USP10: variants seen among roughly 807,000 people sequenced by gnomAD.
USP10 encodes the protein ubiquitin carboxyl-terminal hydrolase 10.
USP10 carries 22 observed loss-of-function variants against 84.5 expected under a neutral mutation model. The observed-to-expected ratio is 0.26, with a 90% CI of 0.19 to 0.37. The LOEUF (loss-of-function observed/expected upper bound fraction) is 0.37, where lower values mean the gene tolerates loss of function less well. Ranked by LOEUF, USP10 falls within the 10% of genes least tolerant of loss-of-function variation. The pLI, the probability that USP10 is intolerant of heterozygous loss-of-function variation, is 1.00. For synonymous variants in USP10, 454 were observed against 387.6 expected, an observed-to-expected ratio of 1.17 and a Z score of -2.01; for missense variants, 1,019 against 998.9, an observed-to-expected ratio of 1.02 and a Z score of -0.27.
At chr16:84,777,719 C>T (rs1160924794) in intron 13 of USP10, among the ~76,000 whole-genome samples, 1 of 151,944 alleles carries the variant, frequency 6.6e-6, no homozygotes, top group Non-Finnish European at 1.5e-5. Context: ...GGACTGAGGC[C>T]TCCTGCTGTC....
intron 1 of USP10, among the ~76,000 whole-genome samples, chr16:84,704,111 G>A (rs113598783): frequency 1.0e-3 from 153 of 152,342 alleles, no homozygotes; most frequent in Middle Eastern, 3.4e-3. Flanking sequence ...ATTGAGAAAA[G>A]TGGTATCATC....
At chr16:84,733,336 C>G in intron 1 of USP10, 99 bp from the exon 2 acceptor site, 1 of 933,762 alleles carries the variant, frequency 1.1e-6, no homozygotes, top group Non-Finnish European at 1.7e-6. Flanking sequence ...GGGTTATGGC[C>G]CAAATGTTGC....
At chr16:84,736,631 C>T (rs1278524148) in intron 2 of USP10, among the ~76,000 whole-genome samples, 1 of 152,216 alleles carries the variant, frequency 6.6e-6, no homozygotes, top group Non-Finnish European at 1.5e-5. Flanking sequence ...GCTCACCATT[C>T]TTTAGTTTCC....
intron 1 of USP10, among the ~76,000 whole-genome samples, chr16:84,726,522 C>T (rs1042911619): frequency 1.8e-4 from 27 of 152,252 alleles, no homozygotes; most frequent in African/African-American, 5.5e-4. Context: ...TAAACTGAGC[C>T]AGCTTAGCCA....
chr16:84,730,750 G>T (rs969820700), intron 1 of USP10, among the ~76,000 whole-genome samples: 1 of 152,076 alleles, frequency 6.6e-6, no homozygotes, highest in East Asian at 1.9e-4. Flanking sequence ...AAAACTTTAG[G>T]CTGTATATGA....
chr16:84,704,712 A>C, intron 1 of USP10: 4 of 1,493,050 alleles, frequency 2.7e-6, no homozygotes, highest in Non-Finnish European at 3.6e-6. Context: ...ATTTTTTCTG[A>C]ACTGGCTATT....
At chr16:84,756,056 C>T (rs540489684) in intron 4 of USP10, among the ~76,000 whole-genome samples, 17 of 152,256 alleles carry the variant, frequency 1.1e-4, no homozygotes, top group South Asian at 6.2e-4. Flanking sequence ...AGAGTTTCTG[C>T]AGCCCTTGGA....
intron 1 of USP10, among the ~76,000 whole-genome samples, chr16:84,720,576 ATTTTTTTTTTT>A (rs10699847): frequency 2.3e-5 from 2 of 88,340 alleles, no homozygotes; most frequent in Non-Finnish European, 4.0e-5. Flanking sequence ...ATGATGCCCA[ATTTTTTTTTTT>A]TTTTTTTTTT....
chr16:84,700,345 T>C (rs1399815366), intron 1 of USP10, among the ~76,000 whole-genome samples: 3 of 151,862 alleles, frequency 2.0e-5, no homozygotes, highest in African/African-American at 7.3e-5. Flanking sequence ...GGGCGGGGGC[T>C]CCGGGCCCCG....
chr16:84,748,609 TA>T (rs1911535348), intron 4 of USP10, among the ~76,000 whole-genome samples: 1 of 152,186 alleles, frequency 6.6e-6, no homozygotes, highest in Non-Finnish European at 1.5e-5. Flanking sequence ...CAGCTGAGAA[TA>T]TTATAGTTTC....
chr16:84,723,900 C>A, intron 1 of USP10, among the ~76,000 whole-genome samples: 1 of 152,304 alleles, frequency 6.6e-6, no homozygotes, highest in East Asian at 1.9e-4. Context: ...TCGTCCTTGG[C>A]CCCAGCAAAG....
At position 84,729,322 on chromosome 16, in the gene USP10, A is replaced by T. The variant is rs115074831; in HGVS notation, c.22-4113A>T. Among the ~76,000 whole-genome samples, 1,029 of 152,312 alleles carry T rather than the reference A, an allele frequency of 6.8e-3. 9 individuals carry two copies. The highest frequency in any genetic ancestry group is 0.023 in the African/African-American group (973 of 41,562). ...ATCGTTTTTCAAAATGTGCATTGCA[A>T]TTCTAAGAAATTCCGTTTTATTCTT... On this transcript the variant is annotated intron_variant, in intron 1 of 13. Transcript: ENST00000219473.
chr16:84,748,510 G>C (rs958373707), intron 4 of USP10, among the ~76,000 whole-genome samples: 1 of 151,946 alleles, frequency 6.6e-6, no homozygotes, highest in Non-Finnish European at 1.5e-5. Context: ...CACCATGTTG[G>C]CCAGGCTGGT....
chr16:84,734,981 T>G (rs1164011370), intron 2 of USP10, among the ~76,000 whole-genome samples: 1 of 152,210 alleles, frequency 6.6e-6, no homozygotes, highest in Admixed American at 6.5e-5. Flanking sequence ...ATTGCTTATC[T>G]CTGTATAAAC....
intron 12 of USP10, 93 bp from the exon 13 acceptor site, chr16:84,775,067 A>T: frequency 1.9e-6 from 2 of 1,079,932 alleles, no homozygotes; most frequent in Non-Finnish European, 2.9e-6. Context: ...CAGGCAGTTT[A>T]CTTGCTGGGG....
chr16:84,725,374 C>T (rs566823980), intron 1 of USP10, among the ~76,000 whole-genome samples: 1 of 152,190 alleles, frequency 6.6e-6, no homozygotes, highest in South Asian at 2.1e-4. Context: ...AGTCTGATGA[C>T]ATTTTCTTTT....
At chr16:84,700,560 G>A (rs1326558995) in intron 1 of USP10, among the ~76,000 whole-genome samples, 2 of 152,144 alleles carry the variant, frequency 1.3e-5, no homozygotes, top group Non-Finnish European at 2.9e-5. Flanking sequence ...AGATTTGGGG[G>A]TGCCCTGTTG....
chr16:84,720,576 A>ATTTTTTTTTTTTTTTTTTTTTTTTTTTTT lies in USP10; in HGVS notation c.22-12836_22-12835insTTTTTTTTTTTTTTTTTTTTTTTTTTTTT, dbSNP rs10699847. On this transcript the variant is annotated intron_variant, in intron 1 of 13. Transcript: ENST00000219473. ...ATGCAGAATAAAAAGATGATGCCCA[A>ATTTTTTTTTTTTTTTTTTTTTTTTTTTTT]TTTTTTTTTTTTTTTTTTTTTTTGA... is the stretch of plus-strand genomic sequence containing the variant. Among the ~76,000 whole-genome samples, 11 of 88,354 alleles carry ATTTTTTTTTTTTTTTTTTTTTTTTTTTTT rather than the reference A, an allele frequency of 1.2e-4. 1 individual carries two copies. The highest frequency in any genetic ancestry group is 4.9e-4 in the East Asian group (1 of 2,034). 58.0% of individuals were successfully genotyped at this position (88,354 alleles called of 152,430 possible).
chr16:84,770,323 T>G (rs892110494), intron 11 of USP10, among the ~76,000 whole-genome samples: 3 of 151,424 alleles, frequency 2.0e-5, no homozygotes, highest in Non-Finnish European at 4.4e-5. Context: ...CTTGAATGTG[T>G]TTTTTTTTAA....
Sources: allele counts gnomAD v4.1 joint callset (sites outside exome capture counted in the v4.1 genomes callset), GRCh38; gene constraint gnomAD v4.1.1; transcripts MANE v1.5; gene names NCBI Gene and HGNC (gene_info 2026-07-23, HGNC 2026-07-21).